The following ADAMTS19 variants were observed in gnomAD, a reference collection of about 807,000 sequenced individuals.
The protein encoded by ADAMTS19 is ADAM metallopeptidase with thrombospondin type 1 motif 19, also known as A disintegrin and metalloproteinase with thrombospondin motifs 19.
Under a neutral mutation model 153.3 loss-of-function variants are expected in ADAMTS19, and 93 were observed. The observed-to-expected ratio is 0.61, with a 90% CI of 0.51 to 0.72. ADAMTS19 has a LOEUF of 0.72. Ranked by LOEUF, ADAMTS19 falls within the 30% of genes least tolerant of loss-of-function variation. The pLI, the probability that ADAMTS19 is intolerant of heterozygous loss-of-function variation, is 0.00. For synonymous variants in ADAMTS19, 600 were observed against 556.6 expected (o/e 1.08, Z -1.10); for missense variants, 1,482 against 1,552.1 (o/e 0.95, Z 0.76).
chr5:129,612,814 C>CA (rs1445835303), intron 8 of ADAMTS19, among the ~76,000 whole-genome samples: 8 of 152,052 alleles, frequency 5.3e-5, no homozygotes, highest in Middle Eastern at 3.2e-3. Context: ...CAGAGACACA[C>CA]ATAGGCTCAA....
Position 129,509,155 on chromosome 5 carries a change from CA to C in ADAMTS19, c.827del (p.His276ProfsTer39), listed in dbSNP as rs1561544074. The C allele has an allele frequency of 1.9e-6, 3 of 1,612,238 alleles. No individual in the cohort carries two copies. The South Asian group carries it at 3.3e-5, about 18-fold the overall frequency. On this transcript the variant is annotated frameshift_variant, in exon 3 of 23. Transcript: ENST00000274487. LOFTEE classifies it high-confidence loss of function. ...TACAATGGCCATAACAGGTCACCCA[CA>C]CCGTGTATATAGGCAGAAAAGGTCC... is the stretch of plus-strand genomic sequence containing the variant. Reference protein sequence around the residue: ...NDTMAITGHPHRVYRQKRSME... With the variant: ...NDTMAITGHPXRVYRQKRSME...
intron 2 of ADAMTS19, among the ~76,000 whole-genome samples, chr5:129,506,193 G>T (rs954948088): frequency 6.6e-6 from 1 of 152,038 alleles, no homozygotes; most frequent in African/African-American, 2.4e-5. Flanking sequence ...TTTAATATGA[G>T]CCAGTATCTT....
chr5:129,584,601 G>A (rs1388477078), intron 7 of ADAMTS19, among the ~76,000 whole-genome samples: 1 of 152,190 alleles, frequency 6.6e-6, no homozygotes, highest in Non-Finnish European at 1.5e-5. Context: ...GCCTAGAGAC[G>A]AGGAATCTAG....
At chr5:129,659,509 T>C (rs531811944) in intron 15 of ADAMTS19, among the ~76,000 whole-genome samples, 1 of 152,326 alleles carries the variant, frequency 6.6e-6, no homozygotes, top group South Asian at 2.1e-4. Flanking sequence ...TACCTGGGCA[T>C]GTGTCTTGCA....
At chr5:129,531,746 T>A (rs1329911941) in intron 6 of ADAMTS19, among the ~76,000 whole-genome samples, 1 of 152,136 alleles carries the variant, frequency 6.6e-6, no homozygotes, top group Non-Finnish European at 1.5e-5. Flanking sequence ...ACGATATGAT[T>A]TCAAAACTTA....
intron 20 of ADAMTS19, among the ~76,000 whole-genome samples, chr5:129,702,941 A>AAAATATAT: frequency 2.7e-4 from 8 of 29,312 alleles, no homozygotes; most frequent in South Asian, 1.1e-3. Flanking sequence ...AAAAAAAAAA[A>AAAATATAT]ATATATATAT....
chr5:129,525,843 T>C (rs558532814), intron 3 of ADAMTS19, among the ~76,000 whole-genome samples: 1 of 152,014 alleles, frequency 6.6e-6, no homozygotes, highest in African/African-American at 2.4e-5. Context: ...TGCCTGAAAT[T>C]AGGATGTGTG....
chr5:129,573,999 T>G (rs913416192), intron 7 of ADAMTS19, among the ~76,000 whole-genome samples: 13 of 152,068 alleles, frequency 8.5e-5, no homozygotes, highest in African/African-American at 2.9e-4. Flanking sequence ...ATCACACATT[T>G]ACCCAATGTT....
chr5:129,688,013 G>T (rs1050053316), intron 18 of ADAMTS19: 1 of 151,992 alleles, frequency 6.6e-6, no homozygotes, highest in Non-Finnish European at 1.5e-5. Flanking sequence ...AACAGTTTTC[G>T]ATTATCTCTA....
chr5:129,501,004 T>G (rs1208285983), intron 2 of ADAMTS19, among the ~76,000 whole-genome samples: 3 of 152,136 alleles, frequency 2.0e-5, no homozygotes, highest in Non-Finnish European at 4.4e-5. Flanking sequence ...TGCAAACGTA[T>G]GCCCACACAC....
At chr5:129,642,295 T>C (rs1752827327) in intron 11 of ADAMTS19, among the ~76,000 whole-genome samples, 1 of 152,068 alleles carries the variant, frequency 6.6e-6, no homozygotes. Context: ...GCATAAATGG[T>C]AAAATTTCTC....
At chr5:129,611,787 A>G (rs571110918) in intron 8 of ADAMTS19, among the ~76,000 whole-genome samples, 18 of 151,986 alleles carry the variant, frequency 1.2e-4, no homozygotes, top group Admixed American at 4.6e-4. Flanking sequence ...AAGACACATA[A>G]TTGTCAAATT....
At chr5:129,562,043 T>C (rs976519142) in intron 7 of ADAMTS19, among the ~76,000 whole-genome samples, 1 of 152,116 alleles carries the variant, frequency 6.6e-6, no homozygotes, top group Admixed American at 6.5e-5. Flanking sequence ...TTTTATAGAG[T>C]GACAAGTTCA....
At chr5:129,606,093 G>T (rs1750878345) in intron 8 of ADAMTS19, among the ~76,000 whole-genome samples, 1 of 152,114 alleles carries the variant, frequency 6.6e-6, no homozygotes, top group Non-Finnish European at 1.5e-5. Flanking sequence ...AAAGGCTAAT[G>T]GGGCAACAAA....
chr5:129,470,258 A>G (rs1020002090), intron 2 of ADAMTS19, among the ~76,000 whole-genome samples: 3 of 152,340 alleles, frequency 2.0e-5, no homozygotes, highest in Middle Eastern at 3.4e-3. Context: ...ATATTTATTG[A>G]GTTCATGCAC....
intron 8 of ADAMTS19, among the ~76,000 whole-genome samples, chr5:129,599,357 A>G (rs1441310688): frequency 6.6e-6 from 1 of 152,170 alleles, no homozygotes; most frequent in Admixed American, 6.5e-5. Context: ...ATGTCATCAT[A>G]AATATAATTC....
At chr5:129,522,332 C>CATATATATATATATATAT (rs1209637522) in intron 3 of ADAMTS19, among the ~76,000 whole-genome samples, 2 of 58,620 alleles carry the variant, frequency 3.4e-5, no homozygotes, top group South Asian at 6.9e-4. Context: ...CACACACACA[C>CATATATATATATATATAT]ATATATATAT....
chr5:129,649,826 C>T (rs30673), intron 13 of ADAMTS19, among the ~76,000 whole-genome samples: 64,191 of 151,932 alleles, frequency 0.42, 15,172 homozygotes, highest in African/African-American at 0.65. Context: ...CAAGTTATTC[C>T]AAATATTTAA....
At chr5:129,682,019 G>A (rs999471852) in intron 17 of ADAMTS19, among the ~76,000 whole-genome samples, 1 of 152,034 alleles carries the variant, frequency 6.6e-6, no homozygotes, top group Admixed American at 6.6e-5. Flanking sequence ...TTATTTTATG[G>A]TATAAGACCA....
Sources: gnomAD v4.1 joint callset for allele counts (sites outside exome capture counted in the v4.1 genomes callset) on GRCh38, gnomAD v4.1.1 for gene constraint, MANE v1.5 for transcripts, NCBI Gene and HGNC (gene_info 2026-07-23, HGNC 2026-07-21) for gene names.